The following PSD2 variants were observed in gnomAD, a reference collection of about 807,000 sequenced individuals.
PSD2 encodes pleckstrin and Sec7 domain containing 2, also known as PH and SEC7 domain-containing protein 2.
Under a neutral mutation model 69.8 loss-of-function variants are expected in PSD2, and 38 were observed. The ratio of observed to expected loss-of-function variants is 0.54; its 90% CI spans 0.42 to 0.71. The LOEUF is 0.71. Ranked by LOEUF, PSD2 falls within the 30% of genes least tolerant of loss-of-function variation. The pLI, the probability that PSD2 is intolerant of heterozygous loss-of-function variation, is 0.00. For missense variants in PSD2, 943 were observed against 1,014.5 expected, an observed-to-expected ratio of 0.93 and a Z score of 0.96; for synonymous variants, 412 against 423.0, an observed-to-expected ratio of 0.97 and a Z score of 0.32.
chr5:139,746,568 G>T, the PSD2 span, among the ~76,000 whole-genome samples: 19 of 152,174 alleles, frequency 1.2e-4, no homozygotes, highest in African/African-American at 4.6e-4. This position sits in a 1 kb window ranked among gnomAD's most constrained non-coding sequence, Gnocchi z 4.5. Flanking sequence ...CGCGGGGGAG[G>T]CCCGAGAAGT....
rs150004809 is a variant in PSD2 at position 139,842,264 on chromosome 5, TC to T, written c.2113-3del. ...GTCTTTTGACCTTGTGTTTGGCCTT[TC>T]CCCAGAAAAGCCGTTATGAGACCTA... On this transcript the variant is annotated splice_polypyrimidine_tract_variant and splice_region_variant and intron_variant, in intron 14 of 14. Transcript: ENST00000274710. The T allele has an allele frequency of 1.7e-3, 2,707 of 1,613,262 alleles. 46 individuals carry two copies. The African/African-American group carries it at 0.033, about 20-fold the overall frequency.
the PSD2 span, chr5:139,773,075 T>A: frequency 6.6e-6 from 1 of 152,240 alleles, no homozygotes; most frequent in Admixed American, 6.5e-5. Flanking sequence ...TAACCTTTTT[T>A]AAGTATACAG....
chr5:139,793,179 G>T (rs1759449804), upstream of PSD2, among the ~76,000 whole-genome samples: 1 of 152,138 alleles, frequency 6.6e-6, no homozygotes, highest in Non-Finnish European at 1.5e-5. Context: ...TTGACCTCAA[G>T]TGATCCAACC....
At chr5:139,784,056 C>G in the PSD2 span, among the ~76,000 whole-genome samples, 1 of 151,250 alleles carries the variant, frequency 6.6e-6, no homozygotes, top group Admixed American at 6.6e-5. Context: ...ATCCTCCCAC[C>G]CTAGCCTCCC....
At chr5:139,830,606 T>TTCTTTC (rs1760564318) in intron 7 of PSD2, among the ~76,000 whole-genome samples, 1 of 122,156 alleles carries the variant, frequency 8.2e-6, no homozygotes, top group Non-Finnish European at 1.7e-5. Context: ...CTTTCTTTCT[T>TTCTTTC]TCTCTTTCTT....
chr5:139,822,890 T>C (rs926012146), intron 7 of PSD2, 106 bp downstream of exon 7: 10 of 972,270 alleles, frequency 1.0e-5, no homozygotes, highest in Non-Finnish European at 1.5e-5. Flanking sequence ...CGGGCTTCTT[T>C]TTGAAGCGGT....
chr5:139,840,068 G>T lies in PSD2; in HGVS notation c.2010G>T (p.Leu670=), dbSNP rs1760834251. Residue 670 remains leucine (L), a synonymous_variant, in exon 14 of 15, where the codon CTG becomes CTT. Coordinates refer to ENST00000274710, the MANE Select transcript of PSD2 (RefSeq NM_032289.4). ...LRSHENKLRQ[L]TAELAEHRCH... ...CTCATGAGAATAAGTTGAGGCAGCT[G>T]ACTGCGGAGCTGGCCGAACACAGGT... 6.2e-7 allele frequency: 1 copy of T among 1,614,126 alleles called. No homozygotes were observed. The highest frequency in any genetic ancestry group is 8.5e-7 in the Non-Finnish European group (1 of 1,180,058).
the PSD2 span, among the ~76,000 whole-genome samples, chr5:139,755,705 T>G: frequency 3.3e-5 from 5 of 151,538 alleles, no homozygotes; most frequent in Admixed American, 3.3e-4. Flanking sequence ...CCGAAGTGAC[T>G]CTAGGTGCCA....
the PSD2 span, among the ~76,000 whole-genome samples, chr5:139,782,649 C>G: frequency 6.6e-6 from 1 of 151,948 alleles, no homozygotes; most frequent in Non-Finnish European, 1.5e-5. Flanking sequence ...CATGCCACTA[C>G]GCCCGGCTCA....
rs1468794962 is a variant in PSD2 at position 139,843,909 on chromosome 5, C to T, written c.*1435C>T. 6.6e-6 allele frequency: 1 copy of T among 152,200 alleles called. No homozygotes were observed. Among genetic ancestry groups the T allele is most frequent in the Admixed American group, 6.5e-5 (1 of 15,282 alleles). The allele number at this position is 152,200 out of a possible 1,614,324, so 9.4% of individuals were successfully genotyped here. ...GGAATTTGGCGTCAGTGGTAACACA[C>T]TTAGTTAATAAAATAAGCCAGGCTT... On this transcript the variant is annotated 3_prime_UTR_variant, in exon 15 of 15. Transcript: ENST00000274710.
chr5:139,743,666 T>C, the PSD2 span: 1 of 152,304 alleles, frequency 6.6e-6, no homozygotes, highest in East Asian at 1.9e-4. Context: ...TGAAAGATGA[T>C]TGACAGGGAA....
chr5:139,794,924 G>C (rs1325725459), upstream of PSD2, among the ~76,000 whole-genome samples: 3 of 152,176 alleles, frequency 2.0e-5, no homozygotes, highest in Non-Finnish European at 4.4e-5. Context: ...TCTTCAGTTA[G>C]AGTCCTGGGC....
At chr5:139,770,796 A>T in the PSD2 span, among the ~76,000 whole-genome samples, 1 of 152,226 alleles carries the variant, frequency 6.6e-6, no homozygotes. Flanking sequence ...AAAAGAAATG[A>T]AAACAGTTGA....
chr5:139,799,622 C>T (rs1759616506), intron 1 of PSD2, among the ~76,000 whole-genome samples: 1 of 152,064 alleles, frequency 6.6e-6, no homozygotes, highest in Non-Finnish European at 1.5e-5. Context: ...TGGAGTGGGG[C>T]TGACTGGGCC....
intron 7 of PSD2, among the ~76,000 whole-genome samples, chr5:139,823,283 A>G (rs1440083809): frequency 6.6e-6 from 1 of 151,772 alleles, no homozygotes; most frequent in East Asian, 1.9e-4. Flanking sequence ...CTGCTCCGGG[A>G]CCCCTCTCTG....
At chr5:139,836,716 C>A in intron 9 of PSD2, 95 bp from the exon 10 acceptor site, 1 of 1,109,676 alleles carries the variant, frequency 9.0e-7, no homozygotes, top group Non-Finnish European at 1.3e-6. Flanking sequence ...CCTCCATGAC[C>A]CTGGCTCCTG....
At chr5:139,841,693 T>C (rs768773366) in intron 14 of PSD2, among the ~76,000 whole-genome samples, 1 of 152,246 alleles carries the variant, frequency 6.6e-6, no homozygotes, top group Non-Finnish European at 1.5e-5. Flanking sequence ...GCTCTTTCGA[T>C]AGTAGTAAGA....
At chr5:139,801,574 C>T (rs1427777594) in intron 1 of PSD2, among the ~76,000 whole-genome samples, 1 of 152,092 alleles carries the variant, frequency 6.6e-6, no homozygotes, top group Admixed American at 6.6e-5. Flanking sequence ...CCAGCACTTG[C>T]CCTGCACAGG....
chr5:139,743,900 G>A, the PSD2 span: 1 of 152,340 alleles, frequency 6.6e-6, no homozygotes, highest in Non-Finnish European at 1.5e-5. Flanking sequence ...AGAAAGAACA[G>A]GCTGCAGAGC....
Sources: allele counts gnomAD v4.1 joint callset (sites outside exome capture counted in the v4.1 genomes callset), GRCh38; gene constraint gnomAD v4.1.1; non-coding constraint Gnocchi (gnomAD v3.1); transcripts MANE v1.5; gene names NCBI Gene and HGNC (gene_info 2026-07-23, HGNC 2026-07-21).